ALK: variants seen among roughly 807,000 people sequenced by gnomAD.
ALK encodes the protein ALK receptor tyrosine kinase.
ALK carries 74 observed loss-of-function variants against 163.1 expected under a neutral mutation model. The observed-to-expected ratio is 0.45, with a 90% CI of 0.38 to 0.55. The LOEUF is 0.55. ALK is among the 20% of genes least tolerant of loss of function. ALK has a pLI of 0.00. For synonymous variants in ALK, 960 were observed against 843.2 expected (o/e 1.14, Z -2.40); for missense variants, 2,063 against 2,105.3 (o/e 0.98, Z 0.39).
chr2:29,259,489 G>A (rs1233755094), intron 11 of ALK, among the ~76,000 whole-genome samples: 1 of 152,112 alleles, frequency 6.6e-6, no homozygotes, highest in Non-Finnish European at 1.5e-5. Flanking sequence ...ATTCCTTAGA[G>A]AGGGGTCACT....
chr2:29,334,603 C>A (rs1667553806), intron 5 of ALK, among the ~76,000 whole-genome samples: 1 of 152,232 alleles, frequency 6.6e-6, no homozygotes, highest in Non-Finnish European at 1.5e-5. Context: ...GCCAGTGTGG[C>A]TTCCACTCTC....
chr2:29,230,914 G>A (rs554495108), intron 15 of ALK, among the ~76,000 whole-genome samples: 2 of 152,312 alleles, frequency 1.3e-5, no homozygotes, highest in East Asian at 3.9e-4. Context: ...ACCATGCGCT[G>A]TGCTTTCATC....
chr2:29,661,828 A>T (rs1035402470), intron 3 of ALK, among the ~76,000 whole-genome samples: 5 of 152,192 alleles, frequency 3.3e-5, no homozygotes, highest in Non-Finnish European at 5.9e-5. Flanking sequence ...ACAGAGGCCA[A>T]TGTAAGAAAT....
At chr2:29,727,321 C>G (rs1186438015) in intron 1 of ALK, among the ~76,000 whole-genome samples, 2 of 152,150 alleles carry the variant, frequency 1.3e-5, no homozygotes, top group African/African-American at 4.8e-5. Flanking sequence ...CTTGTCACCC[C>G]TGTCATTTCA....
intron 3 of ALK, among the ~76,000 whole-genome samples, chr2:29,533,805 C>T (rs897111917): frequency 6.6e-6 from 1 of 152,242 alleles, no homozygotes; most frequent in African/African-American, 2.4e-5. Flanking sequence ...TCTGCAAGAA[C>T]TATCAGCACA....
Position 29,542,301 on chromosome 2 carries a change from A to T in ALK, c.953-10185T>A, listed in dbSNP as rs1376235853. Among the ~76,000 whole-genome samples, 7 of 151,936 alleles carry T rather than the reference A, an allele frequency of 4.6e-5. 1 individual carries two copies. The highest frequency in any genetic ancestry group is 3.9e-4 in the Admixed American group (6 of 15,244). On this transcript the variant is annotated intron_variant, in intron 3 of 28. Coordinates refer to ENST00000389048, the MANE Select transcript of ALK (RefSeq NM_004304.5). Reference sequence around the variant, plus strand: ...GTCTTCTTTACCATATCACTAACACATCCATATACTCCTTGAAAAAATTAC... The same window carrying T: ...GTCTTCTTTACCATATCACTAACACTTCCATATACTCCTTGAAAAAATTAC...
intron 1 of ALK, among the ~76,000 whole-genome samples, chr2:29,882,640 G>T (rs4363987): frequency 0.063 from 9,656 of 152,246 alleles, 439 homozygotes; most frequent in East Asian, 0.14. Context: ...GTTGCAGGGA[G>T]CCGAGATTGC....
rs1668910714 is a variant in ALK at position 29,193,058 on chromosome 2, C to T, written c.*166G>A. ...GAATAGGATGAACCCATGCTCAAAA[C>T]CTTTCTAAAGCATTTTCAAAATACA... On this transcript the variant is annotated 3_prime_UTR_variant, in exon 29 of 29. Coordinates refer to ENST00000389048, the MANE Select transcript of ALK (RefSeq NM_004304.5). 1 of 751,560 alleles carries T rather than the reference C, an allele frequency of 1.3e-6. No homozygotes were observed. Among genetic ancestry groups the T allele is most frequent in the Non-Finnish European group, 2.3e-6 (1 of 442,572 alleles). The allele number at this position is 751,560 out of a possible 1,614,324, so 46.6% of individuals were successfully genotyped here. A position where few individuals can be genotyped will look rare whatever the true frequency, so the allele number is the denominator to read the frequency against.
chr2:29,850,379 A>T (rs1437979780), intron 1 of ALK, among the ~76,000 whole-genome samples: 1 of 152,214 alleles, frequency 6.6e-6, no homozygotes, highest in African/African-American at 2.4e-5. Flanking sequence ...GGCAGGGGGA[A>T]CATAGGTGTG....
intron 1 of ALK, 73 bp downstream of exon 1, chr2:29,919,920 G>T (rs1667941691): frequency 1.3e-6 from 2 of 1,550,670 alleles, no homozygotes; most frequent in Non-Finnish European, 1.8e-6. Flanking sequence ...TGGAAGTGAA[G>T]ATTATTTAAT....
At chr2:29,679,721 G>T (rs1293524612) in intron 3 of ALK, among the ~76,000 whole-genome samples, 2 of 109,806 alleles carry the variant, frequency 1.8e-5, no homozygotes, top group Non-Finnish European at 4.4e-5. Flanking sequence ...AAGATGTTAA[G>T]AGAAGAATAA....
At chr2:29,527,810 G>A (rs990168411) in intron 4 of ALK, among the ~76,000 whole-genome samples, 3 of 152,054 alleles carry the variant, frequency 2.0e-5, no homozygotes, top group Admixed American at 6.6e-5. Context: ...CCATTGTGCC[G>A]GGTCTGAGCC....
intron 3 of ALK, among the ~76,000 whole-genome samples, chr2:29,642,037 T>C (rs1676718320): frequency 6.6e-6 from 1 of 152,166 alleles, no homozygotes; most frequent in Admixed American, 6.5e-5. Flanking sequence ...TTTGAACCAC[T>C]TGCTTGGATG....
intron 4 of ALK, among the ~76,000 whole-genome samples, chr2:29,499,106 A>G (rs956842881): frequency 6.6e-6 from 1 of 152,204 alleles, no homozygotes; most frequent in African/African-American, 2.4e-5. Flanking sequence ...ATTAGAAGGC[A>G]GGAGTTCTCC....
At chr2:29,405,864 G>A (rs1022302469) in intron 4 of ALK, among the ~76,000 whole-genome samples, 2 of 152,208 alleles carry the variant, frequency 1.3e-5, no homozygotes, top group African/African-American at 4.8e-5. Context: ...GGCCCTTTAA[G>A]ATTAGCTCAC....
At chr2:29,264,177 A>C (rs1010502664) in intron 11 of ALK, among the ~76,000 whole-genome samples, 3 of 151,688 alleles carry the variant, frequency 2.0e-5, no homozygotes, top group Non-Finnish European at 4.4e-5. Context: ...TACTCCACCC[A>C]CCCTCTGCTG....
intron 11 of ALK, among the ~76,000 whole-genome samples, chr2:29,263,717 G>T (rs1665144329): frequency 6.6e-6 from 1 of 152,180 alleles, no homozygotes; most frequent in Non-Finnish European, 1.5e-5. Flanking sequence ...GGTGGCTGGA[G>T]TTGCAGCAGC....
rs1228617832 is a variant in ALK at position 29,872,606 on chromosome 2, C to T, written c.667+47387G>A. Among the ~76,000 whole-genome samples, 3 of 152,152 alleles carry T rather than the reference C, an allele frequency of 2.0e-5. No homozygotes were observed. In the East Asian group the frequency reaches 5.8e-4, roughly 29 times the overall value. ...TGGAAGCCTTTGTTCGCTGCTGCTG[C>T]CCAGCATTGCAAAAGGGTATCATAC... On this transcript the variant is annotated intron_variant, in intron 1 of 28. Coordinates refer to ENST00000389048, the MANE Select transcript of ALK (RefSeq NM_004304.5).
chr2:29,570,797 G>A (rs1016052202), intron 3 of ALK, among the ~76,000 whole-genome samples: 2 of 152,178 alleles, frequency 1.3e-5, no homozygotes, highest in African/African-American at 2.4e-5. Context: ...TGCAGATGGC[G>A]AACATTTTAT....
Sources: gnomAD v4.1 joint callset for allele counts (sites outside exome capture counted in the v4.1 genomes callset) on GRCh38, gnomAD v4.1.1 for gene constraint, MANE v1.5 for transcripts, NCBI Gene and HGNC (gene_info 2026-07-23, HGNC 2026-07-21) for gene names.